Variants in SRCAP observed in about 807,000 individuals in gnomAD.
The protein encoded by SRCAP is chromatin remodeling protein SRCAP.
A neutral mutation model predicts 263.1 loss-of-function variants in SRCAP; 46 were observed. That is an observed-to-expected ratio of 0.17 (90% CI 0.14 to 0.22). The LOEUF (loss-of-function observed/expected upper bound fraction) is 0.22, where lower values mean the gene tolerates loss of function less well. Ranked by LOEUF, SRCAP falls within the 10% of genes least tolerant of loss-of-function variation. The pLI, the probability that SRCAP is intolerant of heterozygous loss-of-function variation, is 1.00. For missense variants in SRCAP, 3,695 were observed against 4,181.9 expected (o/e 0.88, Z 3.21); for synonymous variants, 1,813 against 1,662.1 (o/e 1.09, Z -2.21).
chr16:30,718,538 A>G (rs1404837027), intron 18 of SRCAP, among the ~76,000 whole-genome samples: 1 of 138,082 alleles, frequency 7.2e-6, no homozygotes, highest in African/African-American at 2.8e-5. Context: ...CAGTGGTGCG[A>G]TGTCAGCTCA....
At chr16:30,708,340 C>G (rs2052850037) in intron 6 of SRCAP, among the ~76,000 whole-genome samples, 1 of 152,152 alleles carries the variant, frequency 6.6e-6, no homozygotes, top group Admixed American at 6.6e-5. Flanking sequence ...TCCCAAGTAT[C>G]TGGGACTACA....
Position 30,724,229 on chromosome 16 carries a change from C to G in SRCAP, c.4805C>G (p.Pro1602Arg). 1 of 1,614,112 alleles carries G rather than the reference C, an allele frequency of 6.2e-7. No homozygotes were observed. The highest frequency in any genetic ancestry group is 8.5e-7 in the Non-Finnish European group (1 of 1,180,014). Residue 1602 changes from proline (P) to arginine (R), a missense_variant, in exon 25 of 34, where the codon CCA becomes CGA. This residue lies in a region of SRCAP where 1,347 missense variants were observed against 1,304.4 expected (regional missense o/e 1.03). Transcript: ENST00000262518. ...APQTAILAPS[P>R]APPLAPLPVL... ...CAGACAGCAATTCTGGCTCCTTCTC[C>G]AGCTCCTCCTCTGGCTCCTCTTCCG...
At position 30,712,393 on chromosome 16, in the gene SRCAP, G is replaced by A. The variant is rs1253117371; in HGVS notation, c.1947G>A (p.Lys649=). Residue 649 remains lysine (K), a synonymous_variant, in exon 13 of 34, where the codon AAG becomes AAA. Transcript: ENST00000262518. ...TTGCTGATGAGATGGGGCTTGGGAA[G>A]ACCATCCAGACCATCTCTCTGCTTG... ...GILADEMGLG[K]TIQTISLLAH... The A allele has an allele frequency of 1.3e-6, 2 of 1,597,844 alleles. No individual in the cohort carries two copies. Among genetic ancestry groups the A allele is most frequent in the Non-Finnish European group, 1.7e-6 (2 of 1,174,566 alleles).
At chr16:30,707,437 G>A (rs1488164123) in intron 5 of SRCAP, 69 bp downstream of exon 5, 3 of 1,601,292 alleles carry the variant, frequency 1.9e-6, no homozygotes, top group South Asian at 1.1e-5. Flanking sequence ...TGTTGGAAGG[G>A]GACCAGACAG....
Position 30,733,847 on chromosome 16 carries a change from T to G in SRCAP, c.6495-47T>G. On this transcript the variant is annotated intron_variant, in intron 29 of 33. Coordinates refer to ENST00000262518, the MANE Select transcript of SRCAP (RefSeq NM_006662.3). The surrounding 1 kb of genome is among the most constrained non-coding windows in gnomAD (Gnocchi z 5.3). ...TTACTTTCCGTTTACTGATGGGGTT[T>G]CCTGGATATATTTGGCTGCTTACAC... The G allele has an allele frequency of 6.2e-7, 1 of 1,612,560 alleles. No individual in the cohort carries two copies. Among genetic ancestry groups the G allele is most frequent in the Non-Finnish European group, 8.5e-7 (1 of 1,178,874 alleles).
chr16:30,711,491 G>C, intron 10 of SRCAP, 80 bp from the exon 11 acceptor site: 2 of 1,425,910 alleles, frequency 1.4e-6, no homozygotes, highest in Non-Finnish European at 9.4e-7. Flanking sequence ...CAGAGACCTA[G>C]GTAAAATTAA....
chr16:30,733,766 A>T lies in SRCAP; in HGVS notation c.6462A>T (p.Arg2154=), dbSNP rs776721578. The T allele has an allele frequency of 6.2e-7, 1 of 1,614,096 alleles. No homozygotes were observed. The change falls in exon 29 of 34, where the codon CGA becomes CGT. Residue 2154 remains arginine, a synonymous_variant. Coordinates refer to ENST00000262518, the MANE Select transcript of SRCAP (RefSeq NM_006662.3). This position sits in a 1 kb window ranked among gnomAD's most constrained non-coding sequence, Gnocchi z 5.3. ...CTCAGGCCCAGGACCGCTGTCACCG[A>T]ATTGGCCAGACCCGGGATGTCCACA... ...MDAQAQDRCH[R]IGQTRDVHIY...
chr16:30,699,332 G>C lies in SRCAP; in HGVS notation c.-284+90G>C, dbSNP rs1596635857. 4 of 397,382 alleles carry C rather than the reference G, an allele frequency of 1.0e-5. No individual in the cohort carries two copies. The East Asian group carries it at 1.4e-4, about 14-fold the overall frequency. 24.6% of individuals were successfully genotyped at this position (397,382 alleles called of 1,614,324 possible). A position where few individuals can be genotyped will look rare whatever the true frequency, so the allele number is the denominator to read the frequency against. On this transcript the variant is annotated intron_variant, in intron 1 of 33. Coordinates refer to ENST00000262518, the MANE Select transcript of SRCAP (RefSeq NM_006662.3). ...AGGAATTTCCTTAAACACTGGGGAAGCATTTCCGGGCCTCCTGCGGGTTCA... is the reference window on the plus strand; with the variant it reads ...AGGAATTTCCTTAAACACTGGGGAACCATTTCCGGGCCTCCTGCGGGTTCA...
chr16:30,721,174 G>A lies in SRCAP; in HGVS notation c.3254-15G>A, dbSNP rs2053007712. ...GTCAGGGTATATCTGACAGGTGTTT[G>A]CTTTGTGTCTGCAGTGTTGCCATCC... On this transcript the variant is annotated splice_polypyrimidine_tract_variant and intron_variant, in intron 20 of 33. Transcript: ENST00000262518. 1 of 1,588,260 alleles carries A rather than the reference G, an allele frequency of 6.3e-7. No homozygotes were observed. Among genetic ancestry groups the A allele is most frequent in the Non-Finnish European group, 8.6e-7 (1 of 1,166,204 alleles).
rs765350666 is a variant in SRCAP at position 30,737,773 on chromosome 16, C to A, written c.7733C>A (p.Ser2578Tyr). ...GCCAGTTCAGAAACCTCCTCACTTTCTCTTGTGCCCCCTAAAGATCTGTTG... is the reference window on the plus strand; with the variant it reads ...GCCAGTTCAGAAACCTCCTCACTTTATCTTGTGCCCCCTAAAGATCTGTTG... The part of the protein sequence containing the change: ...SVASSETSSL[S>Y]LVPPKDLLPV... The change falls in exon 34 of 34, where the codon TCT becomes TAT. Residue 2578 changes from serine to tyrosine, a missense_variant. Around this residue, in one of 12 missense-constraint regions of SRCAP, gnomAD observed 1,207 missense variants for 1,142.9 expected, o/e 1.06. Transcript: ENST00000262518. The A allele has an allele frequency of 9.9e-6, 16 of 1,614,220 alleles. No homozygotes were observed. Among genetic ancestry groups the A allele is most frequent in the Non-Finnish European group, 9.3e-6 (11 of 1,180,044 alleles).
At chr16:30,710,196 C>G in intron 8 of SRCAP, 68 bp downstream of exon 8, 3 of 1,522,698 alleles carry the variant, frequency 2.0e-6, no homozygotes, top group South Asian at 1.3e-5. Context: ...GGTCTGAGTT[C>G]CGGGCTGTGA....
chr16:30,726,644 C>T (rs866684586), intron 25 of SRCAP, among the ~76,000 whole-genome samples: 4 of 151,910 alleles, frequency 2.6e-5, no homozygotes, highest in Admixed American at 6.6e-5. Context: ...CAACCTCCCT[C>T]GTAGCTGGGA....
At chr16:30,730,642 G>A (rs537988817) in intron 27 of SRCAP, among the ~76,000 whole-genome samples, 168 of 152,172 alleles carry the variant, frequency 1.1e-3, no homozygotes, top group African/African-American at 4.0e-3. Flanking sequence ...ATGTTGGTCA[G>A]GCTGGTCTCG....
rs940911463 is a variant in SRCAP, at chr16:30,723,343, A to C, written c.4159+114A>C. On this transcript the variant is annotated intron_variant, in intron 24 of 33. Coordinates refer to ENST00000262518, the MANE Select transcript of SRCAP (RefSeq NM_006662.3). ...TTTTTCATATCAGCGTACTGCCTTGATTTGTAGTGGGCCCCAGAACTGGGC... is the reference window on the plus strand; with the variant it reads ...TTTTTCATATCAGCGTACTGCCTTGCTTTGTAGTGGGCCCCAGAACTGGGC... The C allele has an allele frequency of 5.5e-6, 8 of 1,461,166 alleles. No homozygotes were observed. In the Admixed American group the frequency reaches 7.4e-5, roughly 14 times the overall value. The allele number at this position is 1,461,166 out of a possible 1,614,324, so 90.5% of individuals were successfully genotyped here. A position where few individuals can be genotyped will look rare whatever the true frequency, so the allele number is the denominator to read the frequency against.
chr16:30,710,638 G>C, intron 8 of SRCAP, 116 bp from the exon 9 acceptor site: 1 of 1,047,068 alleles, frequency 9.6e-7, no homozygotes, highest in Non-Finnish European at 1.5e-6. Context: ...GATTATACCA[G>C]TGGCAACTGT....
rs967069594 is a variant in SRCAP, at chr16:30,710,055, C to T, written c.1061C>T (p.Pro354Leu). 2 of 1,614,008 alleles carry T rather than the reference C, an allele frequency of 1.2e-6. No homozygotes were observed. Among genetic ancestry groups the T allele is most frequent in the Non-Finnish European group, 1.7e-6 (2 of 1,180,044 alleles). Reference protein sequence around the residue: ...LEGPSSPSQTPSSHDSDTRDG... With the variant: ...LEGPSSPSQTLSSHDSDTRDG... ...GGGCCTTCCAGCCCCTCTCAAACCCCCTCATCTCATGATAGTGACACCCGA... is the reference window on the plus strand; with the variant it reads ...GGGCCTTCCAGCCCCTCTCAAACCCTCTCATCTCATGATAGTGACACCCGA... The change falls in exon 8 of 34, where the codon CCC becomes CTC. Residue 354 changes from proline to leucine, a missense_variant. This residue lies in a region of SRCAP where 288 missense variants were observed against 302.4 expected (regional missense o/e 0.95). Transcript: ENST00000262518.
chr16:30,701,831 C>A (rs2052770154), intron 3 of SRCAP, among the ~76,000 whole-genome samples: 1 of 151,262 alleles, frequency 6.6e-6, no homozygotes, highest in Non-Finnish European at 1.5e-5. Context: ...GTTTCACCAT[C>A]ATGTTGGCCA....
At chr16:30,703,960 ACT>A in intron 3 of SRCAP, 102 bp from the exon 4 acceptor site, 1 of 1,361,102 alleles carries the variant, frequency 7.3e-7, no homozygotes. Flanking sequence ...TTTATACCTT[ACT>A]CTACACAGTT....
At chr16:30,721,874 C>T (rs2053015033) in intron 21 of SRCAP, among the ~76,000 whole-genome samples, 1 of 152,068 alleles carries the variant, frequency 6.6e-6, no homozygotes, top group Admixed American at 6.6e-5. Flanking sequence ...TGGTGATTAG[C>T]TCAGTCTGGT....
Sources: allele counts gnomAD v4.1 joint callset (sites outside exome capture counted in the v4.1 genomes callset), GRCh38; gene constraint gnomAD v4.1.1; regional missense constraint gnomAD v4.1.1; non-coding constraint Gnocchi (gnomAD v3.1); transcripts MANE v1.5; gene names NCBI Gene and HGNC (gene_info 2026-07-23, HGNC 2026-07-21).